COL4A2: variants seen among roughly 807,000 people sequenced by gnomAD.
COL4A2 encodes the protein collagen alpha-2(IV) chain.
Under a neutral mutation model 200.2 loss-of-function variants are expected in COL4A2, and 99 were observed. The ratio of observed to expected loss-of-function variants is 0.49; its 90% CI spans 0.42 to 0.58. The LOEUF (loss-of-function observed/expected upper bound fraction) is 0.58, where lower values mean the gene tolerates loss of function less well. Ranked by LOEUF, COL4A2 falls within the 20% of genes least tolerant of loss-of-function variation. COL4A2 has a pLI of 0.00. For missense variants in COL4A2, 1,950 were observed against 2,314.1 expected (o/e 0.84, Z 3.23); for synonymous variants, 897 against 900.6 (o/e 1.00, Z 0.07).
intron 32 of COL4A2, among the ~76,000 whole-genome samples, chr13:110,483,972 C>CT (rs1326175373): frequency 1.3e-5 from 2 of 151,956 alleles, no homozygotes; most frequent in Non-Finnish European, 2.9e-5. Context: ...AGACTTACAG[C>CT]TTTTACAAAT....
At chr13:110,487,441 A>C (rs1233608793) in intron 34 of COL4A2, among the ~76,000 whole-genome samples, 1 of 152,262 alleles carries the variant, frequency 6.6e-6, no homozygotes. Context: ...TGACAAAGCA[A>C]GACTCCATCT....
At chr13:110,485,392 G>A (rs536758622) in intron 33 of COL4A2, among the ~76,000 whole-genome samples, 49 of 152,200 alleles carry the variant, frequency 3.2e-4, no homozygotes, top group African/African-American at 1.2e-3. Context: ...GCATGGTGGT[G>A]GGCGCCTGTA....
chr13:110,465,728 C>G, intron 25 of COL4A2, 122 bp downstream of exon 25: 1 of 982,674 alleles, frequency 1.0e-6, no homozygotes, highest in Non-Finnish European at 1.5e-6. Flanking sequence ...TCTGTTCTCG[C>G]ACGTACAAGG....
At chr13:110,399,083 T>C (rs1879282822) in intron 4 of COL4A2, among the ~76,000 whole-genome samples, 1 of 152,176 alleles carries the variant, frequency 6.6e-6, no homozygotes. Flanking sequence ...TTCTGGTAAC[T>C]ATTGTGAAGG....
At chr13:110,507,582 C>T (rs936216259) in intron 46 of COL4A2, 1 of 321,154 alleles carries the variant, frequency 3.1e-6, no homozygotes. Flanking sequence ...AAGAGCGACC[C>T]CTTGGAGGCC....
chr13:110,321,077 G>C (rs917874094), intron 3 of COL4A2, among the ~76,000 whole-genome samples: 3 of 151,988 alleles, frequency 2.0e-5, no homozygotes, highest in African/African-American at 7.3e-5. Flanking sequence ...TATCAATATA[G>C]CACCTACCTT....
chr13:110,439,677 A>C, intron 15 of COL4A2, 112 bp from the exon 16 acceptor site: 1 of 1,549,638 alleles, frequency 6.5e-7, no homozygotes, highest in African/African-American at 1.4e-5. Flanking sequence ...AGACTTGTTC[A>C]ATCTGTCCAT....
intron 4 of COL4A2, among the ~76,000 whole-genome samples, chr13:110,401,580 A>C (rs1002176951): frequency 6.6e-6 from 1 of 152,244 alleles, no homozygotes; most frequent in Non-Finnish European, 1.5e-5. Flanking sequence ...GCTTGATATC[A>C]TTAGAAACTG....
At chr13:110,414,343 A>AAATACATATATAAATTCTTCCCAGG (rs1879959952) in intron 4 of COL4A2, among the ~76,000 whole-genome samples, 1 of 152,240 alleles carries the variant, frequency 6.6e-6, no homozygotes, top group Non-Finnish European at 1.5e-5. Flanking sequence ...GGAAAAAGAA[A>AAATACATATATAAATTCTTCCCAGG]AATACATATA....
At chr13:110,459,072 C>A in intron 22 of COL4A2, 138 bp downstream of exon 22, 1 of 859,898 alleles carries the variant, frequency 1.2e-6, no homozygotes, top group Non-Finnish European at 1.7e-6. Flanking sequence ...CTAAACCATT[C>A]TAAAAACCCA....
At chr13:110,377,692 T>C (rs1315255795) in intron 4 of COL4A2, among the ~76,000 whole-genome samples, 1 of 152,232 alleles carries the variant, frequency 6.6e-6, no homozygotes, top group East Asian at 1.9e-4. Flanking sequence ...GCTTTGACTA[T>C]GGGGAAATTC....
chr13:110,509,359 G>C (rs1294183207), intron 47 of COL4A2, among the ~76,000 whole-genome samples: 1 of 150,178 alleles, frequency 6.7e-6, no homozygotes, highest in Non-Finnish European at 1.5e-5. Flanking sequence ...AAAAAATCCG[G>C]ATTCTAGGAA....
At chr13:110,347,546 G>T (rs1173192346) in intron 3 of COL4A2, among the ~76,000 whole-genome samples, 1 of 152,166 alleles carries the variant, frequency 6.6e-6, no homozygotes, top group East Asian at 1.9e-4. Flanking sequence ...CCTACCTGGG[G>T]CCCTGCCTGC....
intron 6 of COL4A2, among the ~76,000 whole-genome samples, chr13:110,427,480 A>G (rs1031417591): frequency 7.9e-5 from 12 of 152,132 alleles, no homozygotes; most frequent in African/African-American, 2.7e-4. Context: ...AAATTTTCCA[A>G]ATTTCTCAAA....
In COL4A2 at chr13:110,493,235, G is replaced by A. The variant is rs772620582; in HGVS notation, c.3587G>A (p.Arg1196His). Residue 1196 changes from arginine to histidine, a missense_variant, in exon 39 of 48, where the codon CGC becomes CAC. Transcript: ENST00000360467. ...LPGFPGLRGI[R>H]GLHGLPGTKG... is the part of the protein sequence containing the mutation. ...GGTTTTCCGGGACTCCGTGGGATCC[G>A]CGGCTTACACGGCTTGCCAGGCACC... 1.2e-5 allele frequency: 20 copies of A among 1,614,026 alleles called. No individual in the cohort carries two copies. The Admixed American group carries it at 1.5e-4, about 12-fold the overall frequency.
Position 110,397,212 on chromosome 13 carries a change from TTTAC to T in COL4A2, c.181-27517_181-27514del, listed in dbSNP as rs530918398. 1.1e-4 allele frequency among the ~76,000 whole-genome samples: 16 copies of T among 152,336 alleles called. No individual in the cohort carries two copies. The South Asian group carries it at 3.1e-3, about 30-fold the overall frequency. ...GTCTGAAGATAAGTTATACAGTCTG[TTTAC>T]TTACAAATGCGTCAGAACAGTCTTG... On this transcript the variant is annotated intron_variant, in intron 4 of 47. Transcript: ENST00000360467.
chr13:110,453,227 A>G lies in COL4A2; in HGVS notation c.1339+2773A>G, dbSNP rs540353830. Among the ~76,000 whole-genome samples, 32 of 152,116 alleles carry G rather than the reference A, an allele frequency of 2.1e-4. No individual in the cohort carries two copies. The East Asian group carries it at 5.3e-3, about 25-fold the overall frequency. ...AAATATTCCACTTTAACGGCCAGGC[A>G]TGGTGGCTCACACCTGTAATCCCAG... is the stretch of plus-strand genomic sequence containing the variant. On this transcript the variant is annotated intron_variant, in intron 20 of 47. Transcript: ENST00000360467.
intron 41 of COL4A2, 86 bp downstream of exon 41, chr13:110,501,870 G>A (rs1187471082): frequency 4.5e-6 from 6 of 1,326,544 alleles, no homozygotes; most frequent in African/African-American, 4.4e-5. Context: ...GAGAACAGAC[G>A]TTCATTTCCA....
At chr13:110,342,269 A>T (rs990039528) in intron 3 of COL4A2, among the ~76,000 whole-genome samples, 1 of 152,226 alleles carries the variant, frequency 6.6e-6, no homozygotes, top group Non-Finnish European at 1.5e-5. Context: ...AATTGATGGT[A>T]CCTAGAACTT....
Sources: allele counts gnomAD v4.1 joint callset (sites outside exome capture counted in the v4.1 genomes callset), GRCh38; gene constraint gnomAD v4.1.1; transcripts MANE v1.5; gene names NCBI Gene and HGNC (gene_info 2026-07-23, HGNC 2026-07-21).